Variants in NOX4 observed in about 807,000 individuals in gnomAD.
NOX4 encodes NADPH oxidase 4.
In NOX4, 69 loss-of-function variants were observed where a neutral mutation model predicts 87.6. The observed-to-expected ratio is 0.79, with a 90% CI of 0.65 to 0.96. The LOEUF is 0.96. Among genes scored for constraint, NOX4 ranks in the 40% least tolerant of loss-of-function variants. The pLI, the probability that NOX4 is intolerant of heterozygous loss-of-function variation, is 0.00. For missense variants in NOX4, 680 were observed against 681.5 expected (o/e 1.00, Z 0.02); for synonymous variants, 275 against 238.2 (o/e 1.15, Z -1.42).
intron 2 of NOX4, among the ~76,000 whole-genome samples, chr11:89,478,691 C>T (rs975040196): frequency 6.6e-6 from 1 of 152,078 alleles, no homozygotes; most frequent in Non-Finnish European, 1.5e-5. Context: ...AAACCCAGTA[C>T]AAGTCTAAGA....
At chr11:89,508,237 G>A in the NOX4 span, among the ~76,000 whole-genome samples, 2 of 152,024 alleles carry the variant, frequency 1.3e-5, no homozygotes, top group African/African-American at 4.8e-5. Flanking sequence ...CAAAAGTGAA[G>A]TTCCCAAAGC....
intron 2 of NOX4, among the ~76,000 whole-genome samples, chr11:89,459,592 C>T (rs1945358887): frequency 6.6e-6 from 1 of 151,982 alleles, no homozygotes; most frequent in South Asian, 2.1e-4. Flanking sequence ...CCTAGGAATC[C>T]AACTTACAAG....
chr11:89,373,762 C>A (rs1939635314), intron 11 of NOX4, among the ~76,000 whole-genome samples: 1 of 151,996 alleles, frequency 6.6e-6, no homozygotes, highest in Admixed American at 6.6e-5. Context: ...TTTCATTTAA[C>A]TACAAATCTT....
chr11:89,493,958 T>C (rs909617032), upstream of NOX4, among the ~76,000 whole-genome samples: 6 of 152,064 alleles, frequency 3.9e-5, no homozygotes, highest in Admixed American at 1.3e-4. Context: ...TTTCACCACA[T>C]TGGCCAGGCT....
the NOX4 span, among the ~76,000 whole-genome samples, chr11:89,511,736 A>C: frequency 1.5e-5 from 2 of 133,314 alleles, no homozygotes; most frequent in African/African-American, 2.7e-5. Flanking sequence ...AATCACTTAA[A>C]TTATTTTTCA....
intron 8 of NOX4, among the ~76,000 whole-genome samples, chr11:89,412,462 C>T (rs2135230285): frequency 6.6e-6 from 1 of 152,162 alleles, no homozygotes. Context: ...ATATCAAGCA[C>T]CTTTCCTGAC....
the NOX4 span, among the ~76,000 whole-genome samples, chr11:89,514,417 T>A: frequency 6.6e-6 from 1 of 152,030 alleles, no homozygotes; most frequent in Non-Finnish European, 1.5e-5. Context: ...GGATTTTCAA[T>A]ATATGTAATC....
At chr11:89,438,261 TATAATATATA>T (rs1392634203) in intron 6 of NOX4, among the ~76,000 whole-genome samples, 1 of 136,762 alleles carries the variant, frequency 7.3e-6, no homozygotes, top group Non-Finnish European at 1.5e-5. Flanking sequence ...TATTATTATA[TATAATATATA>T]ATAATATATA....
chr11:89,342,848 T>C (rs1028565246), intron 13 of NOX4, among the ~76,000 whole-genome samples: 1 of 152,118 alleles, frequency 6.6e-6, no homozygotes, highest in African/African-American at 2.4e-5. Context: ...AGAGAGAGCA[T>C]AGAGAAATCC....
chr11:89,483,229 T>C lies in NOX4; in HGVS notation c.153+7229A>G, dbSNP rs573819020. 3.9e-5 allele frequency among the ~76,000 whole-genome samples: 6 copies of C among 152,242 alleles called. No homozygotes were observed. The East Asian group carries it at 1.2e-3, about 29-fold the overall frequency. ...AATCAATAAATGGTAACAGTTGCTA[T>C]TAGGTTGAGCCATATAAAATGGCTG... On this transcript the variant is annotated intron_variant, in intron 2 of 17. Transcript: ENST00000263317.
intron 2 of NOX4, among the ~76,000 whole-genome samples, chr11:89,464,309 C>G (rs546961335): frequency 2.2e-4 from 33 of 152,080 alleles, no homozygotes; most frequent in Admixed American, 3.9e-4. Context: ...CAAGAACCCA[C>G]TTTCTCATAC....
chr11:89,428,494 G>C (rs931717473), intron 7 of NOX4, among the ~76,000 whole-genome samples: 1 of 151,508 alleles, frequency 6.6e-6, no homozygotes, highest in Non-Finnish European at 1.5e-5. Context: ...GACACACATA[G>C]GCTCAAAATA....
intron 12 of NOX4, among the ~76,000 whole-genome samples, chr11:89,359,678 A>T (rs1938368823): frequency 6.6e-6 from 1 of 152,074 alleles, no homozygotes; most frequent in African/African-American, 2.4e-5. Flanking sequence ...TTTGCTAGAG[A>T]GACCCAGACA....
At position 89,339,826 on chromosome 11, in the gene NOX4, A is replaced by G. The variant is rs571125072; in HGVS notation, c.1446+237T>C. Among the ~76,000 whole-genome samples the G allele has an allele frequency of 3.9e-5, 6 of 152,282 alleles. No homozygotes were observed. In the South Asian group the frequency reaches 1.0e-3, roughly 26 times the overall value. On this transcript the variant is annotated intron_variant, in intron 15 of 17. Transcript: ENST00000263317. Reference sequence around the variant, plus strand: ...TAGAAATGAATGTTTCCATGTTAAAATATATTAGATATATATGCATACTCA... The same window carrying G: ...TAGAAATGAATGTTTCCATGTTAAAGTATATTAGATATATATGCATACTCA...
the NOX4 span, among the ~76,000 whole-genome samples, chr11:89,531,304 A>G: frequency 1.3e-5 from 2 of 152,040 alleles, no homozygotes; most frequent in African/African-American, 4.8e-5. Context: ...AACACATTCA[A>G]CTTCACCCAC....
the NOX4 span, among the ~76,000 whole-genome samples, chr11:89,560,996 C>CTCTCTATATATATATATATA: frequency 2.5e-5 from 1 of 40,804 alleles, no homozygotes; most frequent in Admixed American, 3.6e-4. Context: ...CTCTCTCTCT[C>CTCTCTATATATATATATATA]TATATATATA....
chr11:89,500,552 G>T (rs1947005774), upstream of NOX4, among the ~76,000 whole-genome samples: 1 of 152,074 alleles, frequency 6.6e-6, no homozygotes, highest in South Asian at 2.1e-4. Flanking sequence ...TTTCTGTCAA[G>T]ATTAGACATT....
At chr11:89,584,560 C>T in the NOX4 span, among the ~76,000 whole-genome samples, 1 of 152,132 alleles carries the variant, frequency 6.6e-6, no homozygotes, top group South Asian at 2.1e-4. Context: ...CAGTTTAATT[C>T]ACTTGAAATC....
intron 2 of NOX4, among the ~76,000 whole-genome samples, chr11:89,487,091 A>T (rs1946657184): frequency 6.6e-6 from 1 of 152,174 alleles, no homozygotes. Context: ...TAAGTATCTG[A>T]CATGGACCAG....
Sources: gnomAD v4.1 joint callset for allele counts (sites outside exome capture counted in the v4.1 genomes callset) on GRCh38, gnomAD v4.1.1 for gene constraint, MANE v1.5 for transcripts, NCBI Gene and HGNC (gene_info 2026-07-23, HGNC 2026-07-21) for gene names.